The following GRM3 variants were observed in gnomAD, a reference collection of about 807,000 sequenced individuals.
GRM3 encodes metabotropic glutamate receptor 3.
GRM3 carries 26 observed loss-of-function variants against 70.5 expected under a neutral mutation model. That is an observed-to-expected ratio of 0.37 (90% CI 0.27 to 0.51). The LOEUF (loss-of-function observed/expected upper bound fraction) is 0.51, where lower values mean the gene tolerates loss of function less well. Among genes scored for constraint, GRM3 ranks in the 20% least tolerant of loss-of-function variants. The pLI is 0.93. For synonymous variants in GRM3, 443 were observed against 434.9 expected, an observed-to-expected ratio of 1.02 and a Z score of -0.23; for missense variants, 859 against 1,123.8, an observed-to-expected ratio of 0.76 and a Z score of 3.37.
chr7:86,773,266 A>G (rs1796793147), intron 2 of GRM3, among the ~76,000 whole-genome samples: 1 of 152,096 alleles, frequency 6.6e-6, no homozygotes, highest in Non-Finnish European at 1.5e-5. Flanking sequence ...TGTGGGAATT[A>G]AATAAGAAAA....
intron 1 of GRM3, among the ~76,000 whole-genome samples, chr7:86,685,373 G>C (rs1794537999): frequency 6.6e-6 from 1 of 152,150 alleles, no homozygotes; most frequent in South Asian, 2.1e-4. Flanking sequence ...ATAAGTCTAT[G>C]TAGACAAGGC....
chr7:86,800,660 T>C (rs370783241), intron 3 of GRM3, among the ~76,000 whole-genome samples: 2 of 152,100 alleles, frequency 1.3e-5, no homozygotes, highest in East Asian at 3.9e-4. Flanking sequence ...GCCTACCCAC[T>C]AAAGAAAGAC....
At chr7:86,710,158 GTCTTA>G (rs1456998221) in intron 1 of GRM3, 2 of 151,954 alleles carry the variant, frequency 1.3e-5, no homozygotes, top group African/African-American at 4.8e-5. Flanking sequence ...AACTTCTATT[GTCTTA>G]TCTTTTCATT....
In GRM3 at chr7:86,839,831, T is replaced by G. The variant is rs1378932886; in HGVS notation, c.2317T>G (p.Phe773Val). 1.9e-6 allele frequency: 3 copies of G among 1,613,914 alleles called. No homozygotes were observed. Among genetic ancestry groups the G allele is most frequent in the Non-Finnish European group, 2.5e-6 (3 of 1,179,926 alleles). The change falls in exon 4 of 6, where the codon TTT becomes GTT. Residue 773 changes from phenylalanine to valine, a missense_variant. Coordinates refer to ENST00000361669, the MANE Select transcript of GRM3 (RefSeq NM_000840.3). The surrounding 1 kb of genome is among the most constrained non-coding windows in gnomAD (Gnocchi z 4.5). Reference sequence around the variant, plus strand: ...TTTCAACGAAGCTAAGTTCATAGGTTTTACCATGTACACCACGTGCATCAT... The same window carrying G: ...TTTCAACGAAGCTAAGTTCATAGGTGTTACCATGTACACCACGTGCATCAT... ...ENFNEAKFIG[F>V]TMYTTCIIWL...
rs141753143 is a variant in GRM3 at position 86,765,208 on chromosome 7, C to T, written c.63C>T (p.Leu21=). ...TLALFSKGFL[L]SLGDHNFLRR... is the part of the protein sequence containing the mutation. ...CTTTGTTTTCAAAGGGATTTTTACTCTCTTTAGGGGACCATAACTTTCTAA... is the reference window on the plus strand; with the variant it reads ...CTTTGTTTTCAAAGGGATTTTTACTTTCTTTAGGGGACCATAACTTTCTAA... Residue 21 remains leucine (L), a synonymous_variant, in exon 2 of 6, where the codon CTC becomes CTT. Coordinates refer to ENST00000361669, the MANE Select transcript of GRM3 (RefSeq NM_000840.3). The T allele has an allele frequency of 1.1e-5, 18 of 1,609,360 alleles. No homozygotes were observed. The highest frequency in any genetic ancestry group is 1.4e-5 in the Non-Finnish European group (16 of 1,178,608).
chr7:86,656,373 A>G (rs1387898996), intron 1 of GRM3, among the ~76,000 whole-genome samples: 2 of 150,162 alleles, frequency 1.3e-5, no homozygotes, highest in Non-Finnish European at 2.9e-5. Context: ...GGTTCAAGCA[A>G]TTCTCATGGC....
At chr7:86,830,076 A>G (rs1798320684) in intron 3 of GRM3, among the ~76,000 whole-genome samples, 1 of 152,190 alleles carries the variant, frequency 6.6e-6, no homozygotes, top group Non-Finnish European at 1.5e-5. Flanking sequence ...ACCACTCACT[A>G]TTCTCAGACA....
intron 3 of GRM3, among the ~76,000 whole-genome samples, chr7:86,814,741 A>C (rs1194961605): frequency 6.6e-6 from 1 of 151,324 alleles, no homozygotes; most frequent in Non-Finnish European, 1.5e-5. Context: ...TAGGCTCTTT[A>C]AAGTCATGTT....
intron 3 of GRM3, among the ~76,000 whole-genome samples, chr7:86,824,760 A>G (rs529380193): frequency 1.3e-5 from 2 of 152,324 alleles, no homozygotes; most frequent in African/African-American, 4.8e-5. Context: ...CAGTAAAAAT[A>G]TATGAGAAAT....
chr7:86,730,238 T>A (rs1795697104), intron 1 of GRM3, among the ~76,000 whole-genome samples: 1 of 151,962 alleles, frequency 6.6e-6, no homozygotes, highest in African/African-American at 2.4e-5. Flanking sequence ...CTGGCCAACA[T>A]GGTGAAACCC....
intron 2 of GRM3, among the ~76,000 whole-genome samples, chr7:86,770,535 T>C (rs1191603356): frequency 6.6e-6 from 1 of 152,046 alleles, no homozygotes; most frequent in Non-Finnish European, 1.5e-5. Flanking sequence ...ATTTCACAGG[T>C]TTTAGCTATA....
intron 1 of GRM3, among the ~76,000 whole-genome samples, chr7:86,683,139 C>A (rs1354624622): frequency 6.6e-6 from 1 of 152,034 alleles, no homozygotes; most frequent in Non-Finnish European, 1.5e-5. Context: ...AAATAATGGC[C>A]ATGAAAATTT....
chr7:86,668,190 A>G (rs936994640), intron 1 of GRM3, among the ~76,000 whole-genome samples: 1 of 152,070 alleles, frequency 6.6e-6, no homozygotes, highest in Non-Finnish European at 1.5e-5. Context: ...GTTATAATAT[A>G]CTGTTTCAGA....
At position 86,688,688 on chromosome 7, in the gene GRM3, T is replaced by C. The variant is rs573622853; in HGVS notation, c.-141+43816T>C. ...TGCAGAGCACTCTTTACCATGTATA[T>C]CATATATATATATGAGAAATATGAT... On this transcript the variant is annotated intron_variant, in intron 1 of 5. Coordinates refer to ENST00000361669, the MANE Select transcript of GRM3 (RefSeq NM_000840.3). 4.2e-3 allele frequency among the ~76,000 whole-genome samples: 622 copies of C among 149,580 alleles called. 4 individuals are homozygous for C. Among genetic ancestry groups the C allele is most frequent in the African/African-American group, 0.014 (594 of 41,094 alleles).
intron 3 of GRM3, among the ~76,000 whole-genome samples, chr7:86,812,435 C>T (rs1258091571): frequency 1.3e-5 from 2 of 151,668 alleles, no homozygotes; most frequent in African/African-American, 4.8e-5. Context: ...GAGTATGTGG[C>T]TACAGAATCA....
At chr7:86,694,583 C>T (rs1035886374) in intron 1 of GRM3, among the ~76,000 whole-genome samples, 1 of 148,866 alleles carries the variant, frequency 6.7e-6, no homozygotes, top group Non-Finnish European at 1.5e-5. Context: ...CAAAGAAAAC[C>T]GAACCTCATT....
At chr7:86,653,494 A>T (rs1396053923) in intron 1 of GRM3, among the ~76,000 whole-genome samples, 1 of 152,220 alleles carries the variant, frequency 6.6e-6, no homozygotes, top group Non-Finnish European at 1.5e-5. Context: ...AGCTCAACTA[A>T]TAAGGCACAG....
At chr7:86,805,608 C>T (rs2116638167) in intron 3 of GRM3, among the ~76,000 whole-genome samples, 1 of 152,300 alleles carries the variant, frequency 6.6e-6, no homozygotes, top group Middle Eastern at 3.4e-3. Context: ...CCTCCTAAAC[C>T]CCTGGCAACC....
At chr7:86,711,171 A>ATTTT (rs1562834194) in intron 1 of GRM3, among the ~76,000 whole-genome samples, 2 of 151,398 alleles carry the variant, frequency 1.3e-5, no homozygotes, top group African/African-American at 4.8e-5. Flanking sequence ...AATTTAATTT[A>ATTTT]ATTTAATTTA....
Sources: gnomAD v4.1 joint callset for allele counts (sites outside exome capture counted in the v4.1 genomes callset) on GRCh38, gnomAD v4.1.1 for gene constraint, Gnocchi (gnomAD v3.1) non-coding constraint, MANE v1.5 for transcripts, NCBI Gene and HGNC (gene_info 2026-07-23, HGNC 2026-07-21) for gene names.